Variants in HERC6 observed in about 807,000 individuals in gnomAD.
HERC6 encodes HECT and RLD domain containing E3 ubiquitin protein ligase family member 6.
A neutral mutation model predicts 114.5 loss-of-function variants in HERC6; 101 were observed. The observed-to-expected ratio is 0.88, with a 90% CI of 0.75 to 1.04. The LOEUF is 1.04. HERC6 is among the 50% of genes least tolerant of loss of function. HERC6 has a pLI of 0.00. For missense variants in HERC6, 1,133 were observed against 1,230.9 expected (o/e 0.92, Z 1.19); for synonymous variants, 408 against 436.2 (o/e 0.94, Z 0.81).
intron 7 of HERC6, 62 bp from the exon 8 acceptor site, chr4:88,398,080 A>T: frequency 8.8e-7 from 1 of 1,142,088 alleles, no homozygotes; most frequent in Non-Finnish European, 1.2e-6. Flanking sequence ...TTGGCTTGAT[A>T]ATACATCAGA....
Position 88,413,060 on chromosome 4 carries a change from T to A in HERC6, c.1369-17T>A. On this transcript the variant is annotated splice_polypyrimidine_tract_variant and intron_variant, in intron 11 of 22. Coordinates refer to ENST00000264346, the MANE Select transcript of HERC6 (RefSeq NM_017912.4). ...AATATATCCTGGGTCTGTTCCCTGA[T>A]CCTATTTTTACCACAGATAACTACG... The A allele has an allele frequency of 2.5e-6, 4 of 1,586,404 alleles. No homozygotes were observed. Among genetic ancestry groups the A allele is most frequent in the Non-Finnish European group, 3.4e-6 (4 of 1,165,090 alleles).
intron 2 of HERC6, 33 bp downstream of exon 2, chr4:88,383,413 A>G: frequency 6.9e-7 from 1 of 1,450,322 alleles, no homozygotes; most frequent in Non-Finnish European, 9.1e-7. Context: ...TCATTTATTC[A>G]ATATATATAG....
chr4:88,398,023 C>A lies in HERC6; in HGVS notation c.1025-119C>A, dbSNP rs1339498157. ...AATTAATCTTTTATGCATTTGTAGT[C>A]AAAATCCATTTAGGAGAATATAAAT... On this transcript the variant is annotated intron_variant, in intron 7 of 22. Transcript: ENST00000264346. The A allele has an allele frequency of 1.9e-5, 11 of 589,996 alleles. No individual in the cohort carries two copies. The African/African-American group carries it at 2.0e-4, about 10-fold the overall frequency. The allele number at this position is 589,996 out of a possible 1,614,324, so 36.5% of individuals were successfully genotyped here. A position where few individuals can be genotyped will look rare whatever the true frequency, so the allele number is the denominator to read the frequency against.
chr4:88,407,948 T>G (rs964514441), intron 10 of HERC6, among the ~76,000 whole-genome samples: 1 of 152,170 alleles, frequency 6.6e-6, no homozygotes, highest in Non-Finnish European at 1.5e-5. Context: ...TTGGACTGGG[T>G]AAATGTACAA....
At chr4:88,438,315 A>ACT (rs1408580600) in intron 20 of HERC6, among the ~76,000 whole-genome samples, 2 of 151,950 alleles carry the variant, frequency 1.3e-5, no homozygotes, top group African/African-American at 4.8e-5. Context: ...TCTGTACCAG[A>ACT]CTCTATTCTA....
intron 19 of HERC6, among the ~76,000 whole-genome samples, chr4:88,437,373 T>C (rs1738870278): frequency 6.6e-6 from 1 of 152,160 alleles, no homozygotes; most frequent in Admixed American, 6.5e-5. Context: ...ATCCCTTTTT[T>C]AAAAGACATT....
intron 7 of HERC6, among the ~76,000 whole-genome samples, chr4:88,397,381 G>A (rs557340567): frequency 6.6e-6 from 1 of 151,778 alleles, no homozygotes; most frequent in East Asian, 1.9e-4. Flanking sequence ...TAAAGTGCTG[G>A]GATTACAGGC....
In HERC6 at chr4:88,442,524, T is replaced by A; in HGVS notation, c.*64T>A. 1 of 1,140,962 alleles carries A rather than the reference T, an allele frequency of 8.8e-7. No individual in the cohort carries two copies. Among genetic ancestry groups the A allele is most frequent in the Non-Finnish European group, 1.3e-6 (1 of 769,216 alleles). 70.7% of individuals were successfully genotyped at this position (1,140,962 alleles called of 1,614,324 possible). ...GGATCCTTCTGTTCTTCCTTACACCTAAATAATACAAGAGATTAATGAATA... is the reference window on the plus strand; with the variant it reads ...GGATCCTTCTGTTCTTCCTTACACCAAAATAATACAAGAGATTAATGAATA... On this transcript the variant is annotated 3_prime_UTR_variant, in exon 23 of 23. Coordinates refer to ENST00000264346, the MANE Select transcript of HERC6 (RefSeq NM_017912.4).
intron 3 of HERC6, among the ~76,000 whole-genome samples, chr4:88,388,369 G>A (rs982544721): frequency 6.6e-6 from 1 of 152,038 alleles, no homozygotes; most frequent in African/African-American, 2.4e-5. Flanking sequence ...TGGCCAACAT[G>A]AGGAAACCCC....
At chr4:88,406,743 T>A (rs1229007084) in intron 10 of HERC6, among the ~76,000 whole-genome samples, 1 of 152,158 alleles carries the variant, frequency 6.6e-6, no homozygotes, top group Admixed American at 6.6e-5. Flanking sequence ...AAATCTTTCT[T>A]TGTTTTTTTA....
intron 2 of HERC6, among the ~76,000 whole-genome samples, chr4:88,383,763 CAAAAAAAAAAAAAAA>C (rs753643806): frequency 3.5e-5 from 1 of 28,740 alleles, no homozygotes; most frequent in Non-Finnish European, 6.0e-5. Flanking sequence ...GACTCAGTCT[CAAAAAAAAAAAAAAA>C]AAAAAAAAAA....
intron 11 of HERC6, among the ~76,000 whole-genome samples, chr4:88,410,539 T>A (rs1403407711): frequency 6.6e-6 from 1 of 152,192 alleles, no homozygotes; most frequent in Admixed American, 6.5e-5. Flanking sequence ...GTCTCTTTTG[T>A]AAGGGCACTA....
In HERC6 at chr4:88,440,048, G is replaced by C. The variant is rs762270365; in HGVS notation, c.2730G>C (p.Gln910His). ...IIGNTDYDWK[Q>H]FEQNSKYEQG... is the part of the protein sequence containing the mutation. ...GAAATACTGATTATGACTGGAAACA[G>C]TTTGAACAGGTAGGTGATACCTAAA... The change falls in exon 21 of 23, where the codon CAG becomes CAC. Residue 910 changes from glutamine to histidine, a missense_variant. Gln to His is a conservative substitution (Grantham distance 24, BLOSUM62 0). This residue lies in a region of HERC6 where 388 missense variants were observed against 445.9 expected (regional missense o/e 0.87). Coordinates refer to ENST00000264346, the MANE Select transcript of HERC6 (RefSeq NM_017912.4). 2 of 1,610,658 alleles carry C rather than the reference G, an allele frequency of 1.2e-6. No homozygotes were observed. The highest frequency in any genetic ancestry group is 1.7e-6 in the Non-Finnish European group (2 of 1,178,966).
chr4:88,392,610 A>G (rs571207115), intron 4 of HERC6, among the ~76,000 whole-genome samples: 4 of 152,290 alleles, frequency 2.6e-5, no homozygotes, highest in African/African-American at 9.6e-5. Flanking sequence ...AATAAAATGG[A>G]GTTGGGTGGC....
At chr4:88,407,131 G>T (rs907864623) in intron 10 of HERC6, among the ~76,000 whole-genome samples, 1 of 151,952 alleles carries the variant, frequency 6.6e-6, no homozygotes, top group Non-Finnish European at 1.5e-5. Context: ...AGGCTTGAGC[G>T]CTGTGGCGTG....
At position 88,435,795 on chromosome 4, in the gene HERC6, T is replaced by C; in HGVS notation, c.2321T>C (p.Val774Ala). ...LCGLSLFNLN[V>A]ANLPFPLALY... ...GGACTCTCCTTATTCAATTTAAATG[T>C]TGCTAACCTTCCTTTCCCACTGGCT... The change falls in exon 18 of 23, where the codon GTT becomes GCT. Residue 774 changes from valine (V) to alanine (A), a missense_variant. Val to Ala is a moderately conservative substitution (Grantham distance 64). Around this residue, in one of 3 missense-constraint regions of HERC6, gnomAD observed 388 missense variants for 445.9 expected, o/e 0.87. Coordinates refer to ENST00000264346, the MANE Select transcript of HERC6 (RefSeq NM_017912.4). 1 of 1,611,896 alleles carries C rather than the reference T, an allele frequency of 6.2e-7. No individual in the cohort carries two copies. Among genetic ancestry groups the C allele is most frequent in the Non-Finnish European group, 8.5e-7 (1 of 1,178,736 alleles).
intron 15 of HERC6, among the ~76,000 whole-genome samples, chr4:88,426,327 C>A (rs1276371020): frequency 6.6e-6 from 1 of 152,026 alleles, no homozygotes; most frequent in Non-Finnish European, 1.5e-5. Flanking sequence ...CGCCACCATG[C>A]CTGGCTAATT....
Position 88,390,645 on chromosome 4 carries a change from G to C in HERC6, c.437-7G>C. Reference sequence around the variant, plus strand: ...GTACAATTCTTAATTTCTCGTCTTTGTTGTAGATAGCCAAGTGTTTTCGTG... The same window carrying C: ...GTACAATTCTTAATTTCTCGTCTTTCTTGTAGATAGCCAAGTGTTTTCGTG... On this transcript the variant is annotated splice_region_variant and splice_polypyrimidine_tract_variant and intron_variant, in intron 3 of 22. Transcript: ENST00000264346. 1.3e-6 allele frequency: 2 copies of C among 1,591,384 alleles called. No individual in the cohort carries two copies. Among genetic ancestry groups the C allele is most frequent in the Non-Finnish European group, 1.7e-6 (2 of 1,163,704 alleles).
chr4:88,440,096 C>T (rs1739193072), intron 21 of HERC6, 39 bp downstream of exon 21: 1 of 1,603,680 alleles, frequency 6.2e-7, no homozygotes, highest in Non-Finnish European at 8.5e-7. Context: ...TTCCGAACAA[C>T]TTCTATATAT....
Sources: allele counts gnomAD v4.1 joint callset (sites outside exome capture counted in the v4.1 genomes callset), GRCh38; gene constraint gnomAD v4.1.1; regional missense constraint gnomAD v4.1.1; transcripts MANE v1.5; gene names NCBI Gene and HGNC (gene_info 2026-07-23, HGNC 2026-07-21).